Variants in EPHX2 observed in about 807,000 individuals in gnomAD.
The protein encoded by EPHX2 is epoxide hydrolase 2, also known as bifunctional epoxide hydrolase 2.
Under a neutral mutation model 78.7 loss-of-function variants are expected in EPHX2, and 74 were observed. That is an observed-to-expected ratio of 0.94 (90% CI 0.78 to 1.14). EPHX2 has a LOEUF of 1.14. EPHX2 is among the 50% of genes most tolerant of loss of function. EPHX2 has a pLI of 0.00. For missense variants in EPHX2, 715 were observed against 702.5 expected (o/e 1.02, Z -0.20); for synonymous variants, 251 against 255.2 (o/e 0.98, Z 0.16).
chr8:27,507,833 A>G (rs1187268557), intron 5 of EPHX2, among the ~76,000 whole-genome samples: 2 of 152,186 alleles, frequency 1.3e-5, no homozygotes, highest in East Asian at 3.9e-4. Context: ...GCTTGAAGAC[A>G]GCCACTTTCT....
rs201410558 is a variant in EPHX2, at chr8:27,541,493, G to A, written c.1400G>A (p.Arg467Gln). ...CCCAGAGGTCCTCTAAACTGGTACC[G>A]AAACATGGAAAGGAACTGGAAGTGG... ...SGFRGPLNWYRNMERNWKWAC... is the reference protein window; with the variant it reads ...SGFRGPLNWYQNMERNWKWAC... Residue 467 changes from arginine (R) to glutamine (Q), a missense_variant, in exon 16 of 19, where the codon CGA (arginine) becomes CAA (glutamine). By Grantham distance (43) the Arg-to-Gln change is conservative. Transcript: ENST00000521400. The A allele has an allele frequency of 1.8e-4, 295 of 1,614,196 alleles. 1 individual carries two copies. Among genetic ancestry groups the A allele is most frequent in the South Asian group, 4.5e-4 (41 of 91,084 alleles).
At position 27,530,067 on chromosome 8, in the gene EPHX2, C is replaced by CT. The variant is rs34619047; in HGVS notation, c.1170+4607dup. On this transcript the variant is annotated intron_variant, in intron 12 of 18. Coordinates refer to ENST00000521400, the MANE Select transcript of EPHX2 (RefSeq NM_001979.6). Reference sequence around the variant, plus strand: ...TCCTCAAAACATTGAGTCTCTCTCTCTTTTTTTTTTTTTCTGCTGTGTTGC... The same window carrying CT: ...TCCTCAAAACATTGAGTCTCTCTCTCTTTTTTTTTTTTTTCTGCTGTGTTGC... Among the ~76,000 whole-genome samples, 549 of 144,798 alleles carry CT rather than the reference C, an allele frequency of 3.8e-3. 4 individuals are homozygous for CT. The highest frequency in any genetic ancestry group is 0.013 in the Admixed American group (194 of 14,590). The allele number at this position is 144,798 out of a possible 152,430, so 95.0% of individuals were successfully genotyped here.
At chr8:27,515,623 G>A (rs572842040) in intron 6 of EPHX2, 95 bp from the exon 7 acceptor site, 20 of 994,824 alleles carry the variant, frequency 2.0e-5, no homozygotes, top group Non-Finnish European at 3.1e-5. Context: ...TCCAGCAACG[G>A]ACTGAAACGG....
At chr8:27,543,584 C>A (rs1261572290) in intron 16 of EPHX2, among the ~76,000 whole-genome samples, 165 bp from the exon 17 acceptor site, 2 of 152,146 alleles carry the variant, frequency 1.3e-5, no homozygotes, top group African/African-American at 2.4e-5. Context: ...ACTGCTGAAG[C>A]TGTTATTTTA....
intron 12 of EPHX2, among the ~76,000 whole-genome samples, chr8:27,530,706 G>A (rs1024529915): frequency 6.6e-6 from 1 of 151,460 alleles, no homozygotes; most frequent in Non-Finnish European, 1.5e-5. Flanking sequence ...AAAAGAAAGT[G>A]CCACTGTTTG....
chr8:27,534,922 C>T lies in EPHX2; in HGVS notation c.1171-1862C>T, dbSNP rs140786730. 7.4e-4 allele frequency among the ~76,000 whole-genome samples: 113 copies of T among 152,260 alleles called. 1 individual carries two copies. In the East Asian group the frequency reaches 0.018, roughly 24 times the overall value. ...TCATGGAGAAGGCAGTGTTTGGGTC[C>T]GGTGTTGAAGGCCAAACTAATAGAA... On this transcript the variant is annotated intron_variant, in intron 12 of 18. Coordinates refer to ENST00000521400, the MANE Select transcript of EPHX2 (RefSeq NM_001979.6).
intron 12 of EPHX2, among the ~76,000 whole-genome samples, chr8:27,533,426 GTCTTA>G (rs1384087015): frequency 6.6e-6 from 1 of 152,232 alleles, no homozygotes; most frequent in Non-Finnish European, 1.5e-5. Flanking sequence ...TAAAGATATA[GTCTTA>G]TCTTTTGTAG....
At chr8:27,525,068 CTGTGTGTGTG>C (rs56963159) in intron 11 of EPHX2, among the ~76,000 whole-genome samples, 319 of 131,184 alleles carry the variant, frequency 2.4e-3, no homozygotes, top group African/African-American at 6.2e-3. Context: ...AGTATGTGTA[CTGTGTGTGTG>C]TGTGTGTGTG....
chr8:27,501,312 A>G, intron 2 of EPHX2, among the ~76,000 whole-genome samples: 1 of 144,142 alleles, frequency 6.9e-6, no homozygotes, highest in East Asian at 2.1e-4. Flanking sequence ...GAAAGAGGGA[A>G]ATGCTATATA....
intron 12 of EPHX2, 93 bp downstream of exon 12, chr8:27,525,566 A>C: frequency 9.1e-7 from 1 of 1,100,442 alleles, no homozygotes; most frequent in Non-Finnish European, 1.4e-6. Context: ...TGTCCCCTTT[A>C]ATTTTATGTG....
chr8:27,540,527 A>C (rs973278901), intron 14 of EPHX2, 27 bp from the exon 15 acceptor site: 4 of 1,609,152 alleles, frequency 2.5e-6, no homozygotes, highest in Non-Finnish European at 2.6e-6. Context: ...CGGGGATGGG[A>C]AAGTCAACAA....
intron 3 of EPHX2, among the ~76,000 whole-genome samples, chr8:27,504,050 A>C (rs1813903551): frequency 6.6e-6 from 1 of 152,212 alleles, no homozygotes; most frequent in Non-Finnish European, 1.5e-5. Context: ...CCCAAATGAC[A>C]TGATCTTTTG....
intron 12 of EPHX2, among the ~76,000 whole-genome samples, chr8:27,533,446 AAG>A (rs1359060636): frequency 6.6e-6 from 1 of 152,244 alleles, no homozygotes; most frequent in Non-Finnish European, 1.5e-5. Context: ...TTGTAGATGA[AAG>A]AGAGTCGGAA....
intron 12 of EPHX2, among the ~76,000 whole-genome samples, chr8:27,534,997 G>A (rs553156634): frequency 5.9e-5 from 9 of 152,324 alleles, no homozygotes; most frequent in African/African-American, 1.7e-4. Flanking sequence ...GGAGGCCAGC[G>A]AGTAGGAGGC....
chr8:27,547,839 A>C (rs1815600373), downstream of EPHX2, among the ~76,000 whole-genome samples: 1 of 152,200 alleles, frequency 6.6e-6, no homozygotes, highest in Non-Finnish European at 1.5e-5. Flanking sequence ...ATTTCACTTA[A>C]CAGAATGCTC....
chr8:27,536,981 G>C (rs1164615313), intron 13 of EPHX2, 126 bp downstream of exon 13: 4 of 916,814 alleles, frequency 4.4e-6, no homozygotes, highest in African/African-American at 3.4e-5. Flanking sequence ...TATAGTCAGG[G>C]TAATTGAGGT....
chr8:27,544,078 G>A, intron 17 of EPHX2, 108 bp from the exon 18 acceptor site: 2 of 1,311,472 alleles, frequency 1.5e-6, no homozygotes, highest in Non-Finnish European at 1.1e-6. Flanking sequence ...GTTTGGGCAG[G>A]GTGGCCTGCG....
At chr8:27,504,815 G>T in intron 3 of EPHX2, 141 bp from the exon 4 acceptor site, 1 of 803,600 alleles carries the variant, frequency 1.2e-6, no homozygotes, top group South Asian at 1.7e-5. Flanking sequence ...TTTCCAATTT[G>T]TCAGTTGAAA....
intron 1 of EPHX2, 149 bp downstream of exon 1, chr8:27,491,458 C>T: frequency 1.7e-6 from 1 of 594,888 alleles, no homozygotes; most frequent in South Asian, 2.2e-5. Context: ...CCTGAAGTCC[C>T]AGTGCATATG....
Sources: gnomAD v4.1 joint callset for allele counts (sites outside exome capture counted in the v4.1 genomes callset) on GRCh38, gnomAD v4.1.1 for gene constraint, MANE v1.5 for transcripts, NCBI Gene and HGNC (gene_info 2026-07-23, HGNC 2026-07-21) for gene names.